PDE1A: variants seen among roughly 807,000 people sequenced by gnomAD.
PDE1A encodes dual specificity calcium/calmodulin-dependent 3',5'-cyclic nucleotide phosphodiesterase 1A.
Under a neutral mutation model 61.7 loss-of-function variants are expected in PDE1A, and 35 were observed. That is an observed-to-expected ratio of 0.57 (90% confidence interval 0.43 to 0.75). PDE1A has a LOEUF of 0.75. Among genes scored for constraint, PDE1A ranks in the 30% least tolerant of loss-of-function variants. The probability of loss-of-function intolerance (pLI) is 0.00; values close to 1 mark genes in which losing one functional copy is unlikely to be tolerated. For missense variants in PDE1A, 597 were observed against 630.6 expected (o/e 0.95, Z 0.57); for synonymous variants, 232 against 213.2 (o/e 1.09, Z -0.77).
At chr2:182,709,634 G>A in the PDE1A span, among the ~76,000 whole-genome samples, 1 of 152,354 alleles carries the variant, frequency 6.6e-6, no homozygotes, top group South Asian at 2.1e-4. Flanking sequence ...GATCTTGAAA[G>A]ATGAGTAGCA....
chr2:182,637,965 C>G, the PDE1A span, among the ~76,000 whole-genome samples: 3 of 151,806 alleles, frequency 2.0e-5, no homozygotes, highest in Non-Finnish European at 4.4e-5. Context: ...GAAAAGACCA[C>G]GGAACTATCA....
At chr2:182,545,325 A>G in the PDE1A span, among the ~76,000 whole-genome samples, 1 of 151,982 alleles carries the variant, frequency 6.6e-6, no homozygotes, top group Non-Finnish European at 1.5e-5. Context: ...ACCCCACCCC[A>G]TGGGCTCCAG....
intron 2 of PDE1A, among the ~76,000 whole-genome samples, chr2:182,495,526 C>A (rs1688660376): frequency 6.6e-6 from 1 of 152,116 alleles, no homozygotes; most frequent in South Asian, 2.1e-4. Context: ...TAGTGTTGAC[C>A]CAATCAGTGA....
the PDE1A span, among the ~76,000 whole-genome samples, chr2:182,642,277 T>C: frequency 1.3e-5 from 2 of 152,172 alleles, no homozygotes; most frequent in Non-Finnish European, 2.9e-5. Flanking sequence ...AAAATGTAAG[T>C]GAGAAGATCA....
At chr2:182,622,516 G>A in the PDE1A span, among the ~76,000 whole-genome samples, 2 of 152,118 alleles carry the variant, frequency 1.3e-5, no homozygotes, top group African/African-American at 4.8e-5. Context: ...AGTGTTGGAA[G>A]CACACTTCCA....
At chr2:182,675,702 G>C in the PDE1A span, among the ~76,000 whole-genome samples, 38 of 152,070 alleles carry the variant, frequency 2.5e-4, no homozygotes, top group Non-Finnish European at 5.0e-4. Context: ...TTTCCCTAAT[G>C]ATAACTAATG....
chr2:182,684,420 G>T, the PDE1A span, among the ~76,000 whole-genome samples: 1 of 152,194 alleles, frequency 6.6e-6, no homozygotes, highest in South Asian at 2.1e-4. Context: ...CACCAAGAAA[G>T]AACTCACTAG....
At chr2:182,264,565 T>A (rs1039391383) in intron 1 of PDE1A, 151 bp from the exon 2 acceptor site, 23 of 573,440 alleles carry the variant, frequency 4.0e-5, no homozygotes, top group Non-Finnish European at 6.2e-5. Context: ...TTTTTTTTGA[T>A]ATAATTAAGA....
At chr2:182,706,538 G>C in the PDE1A span, among the ~76,000 whole-genome samples, 4 of 152,074 alleles carry the variant, frequency 2.6e-5, no homozygotes, top group African/African-American at 9.7e-5. Flanking sequence ...GGTGACCAAA[G>C]TAAACTTTTC....
chr2:182,231,241 A>C, intron 4 of PDE1A, 110 bp from the exon 5 acceptor site: 1 of 675,544 alleles, frequency 1.5e-6, no homozygotes, highest in Non-Finnish European at 2.6e-6. Flanking sequence ...TCAATTTAGC[A>C]TGTCAAACTA....
the PDE1A span, among the ~76,000 whole-genome samples, chr2:182,606,327 T>C: frequency 6.6e-6 from 1 of 152,140 alleles, no homozygotes; most frequent in Non-Finnish European, 1.5e-5. Context: ...TACAGGCACA[T>C]GCCACCACAC....
intron 1 of PDE1A, among the ~76,000 whole-genome samples, chr2:182,389,546 C>T (rs928797013): frequency 6.6e-6 from 1 of 151,980 alleles, no homozygotes; most frequent in South Asian, 2.1e-4. Context: ...AAATAACATG[C>T]AATAAATAAA....
intron 1 of PDE1A, among the ~76,000 whole-genome samples, chr2:182,344,475 A>T (rs1698391107): frequency 6.6e-6 from 1 of 152,128 alleles, no homozygotes; most frequent in African/African-American, 2.4e-5. Flanking sequence ...ACTATTTTAT[A>T]CACAATCACT....
intron 2 of PDE1A, among the ~76,000 whole-genome samples, chr2:182,479,316 C>T (rs995275589): frequency 2.0e-5 from 3 of 151,814 alleles, no homozygotes; most frequent in African/African-American, 4.8e-5. Flanking sequence ...CAAAAGTTCA[C>T]CCAAAAGATA....
the PDE1A span, among the ~76,000 whole-genome samples, chr2:182,677,183 C>T: frequency 6.6e-6 from 1 of 152,176 alleles, no homozygotes; most frequent in African/African-American, 2.4e-5. Context: ...TGGCCAAAAG[C>T]TCCTGCAGCT....
At chr2:182,300,737 A>G (rs1695188116) in intron 1 of PDE1A, among the ~76,000 whole-genome samples, 1 of 152,204 alleles carries the variant, frequency 6.6e-6, no homozygotes, top group African/African-American at 2.4e-5. Flanking sequence ...AATTAGATGC[A>G]CTGAACAAAC....
the PDE1A span, among the ~76,000 whole-genome samples, chr2:182,543,253 T>G: frequency 6.6e-6 from 1 of 152,242 alleles, no homozygotes; most frequent in Non-Finnish European, 1.5e-5. Context: ...TTATTAATGT[T>G]TTCCCAAAAA....
At chr2:182,680,251 T>A in the PDE1A span, among the ~76,000 whole-genome samples, 1 of 151,448 alleles carries the variant, frequency 6.6e-6, no homozygotes, top group Non-Finnish European at 1.5e-5. Flanking sequence ...TCTTGCTCTG[T>A]CACCTAGGCT....
At chr2:182,656,593 A>C in the PDE1A span, among the ~76,000 whole-genome samples, 1 of 152,218 alleles carries the variant, frequency 6.6e-6, no homozygotes, top group East Asian at 1.9e-4. Context: ...AATGGAAACG[A>C]ATCTTTAAAA....
Sources: allele counts gnomAD v4.1 joint callset (sites outside exome capture counted in the v4.1 genomes callset), GRCh38; gene constraint gnomAD v4.1.1; transcripts MANE v1.5; gene names NCBI Gene and HGNC (gene_info 2026-07-23, HGNC 2026-07-21).